Variants in TTN observed in about 807,000 individuals in gnomAD.
TTN encodes titin, also known as connectin.
In TTN, 1,525 loss-of-function variants were observed where a neutral mutation model predicts 3,223.0. The ratio of observed to expected loss-of-function variants is 0.47; its 90% CI spans 0.45 to 0.49. The LOEUF is 0.49. TTN is among the 20% of genes least tolerant of loss of function. The probability of loss-of-function intolerance (pLI) is 0.00; values close to 1 mark genes in which losing one functional copy is unlikely to be tolerated. For synonymous variants in TTN, 14,094 were observed against 15,161.0 expected, an observed-to-expected ratio of 0.93 and a Z score of 5.17; for missense variants, 40,786 against 43,424.0, an observed-to-expected ratio of 0.94 and a Z score of 5.40.
In TTN at chr2:178,531,334, G is replaced by A; in HGVS notation, c.105281C>T (p.Ser35094Phe). The change falls in exon 358 of 363, where the codon TCC becomes TTC. Residue 35094 changes from serine to phenylalanine, a missense_variant. By Grantham distance (155) the Ser-to-Phe change is radical. Coordinates refer to ENST00000589042, the MANE Select transcript of TTN (RefSeq NM_001267550.2). ...SQMTETRESL[S>F]SYEHSASAEM... ...TGCAGATGCAGAGTGTTCATATGAG[G>A]AGAGACTTTCCCTTGTCTCCGTCAT... The A allele has an allele frequency of 1.9e-6, 3 of 1,614,014 alleles. No individual in the cohort carries two copies. The South Asian group carries it at 3.3e-5, about 18-fold the overall frequency.
intron 106 of TTN, 145 bp downstream of exon 106, chr2:178,704,002 G>C: frequency 2.9e-6 from 3 of 1,052,590 alleles, no homozygotes; most frequent in Admixed American, 2.4e-5. Context: ...TGAACTTTGA[G>C]ATGAATACTA....
rs1213075962 is a variant in TTN at position 178,564,865 on chromosome 2, C to A, written c.81267G>T (p.Met27089Ile). 1 of 1,612,930 alleles carries A rather than the reference C, an allele frequency of 6.2e-7. No individual in the cohort carries two copies. Among genetic ancestry groups the A allele is most frequent in the East Asian group, 2.2e-5 (1 of 44,750 alleles). ...TCACTGGCTCATGCCATTGCACAAGCATCTGATCTTTTGAGATTGATGTCA... is the reference window on the plus strand; with the variant it reads ...TCACTGGCTCATGCCATTGCACAAGAATCTGATCTTTTGAGATTGATGTCA... ...PFVTSISKDQMLVQWHEPVND... is the reference protein window; with the variant it reads ...PFVTSISKDQILVQWHEPVND... Residue 27089 changes from methionine (M) to isoleucine (I), a missense_variant, in exon 326 of 363, where the codon ATG becomes ATT. Transcript: ENST00000589042.
chr2:178,550,967 C>T lies in TTN; in HGVS notation c.91564G>A (p.Val30522Ile), dbSNP rs780390663. The change falls in exon 336 of 363, where the codon GTT becomes ATT. Residue 30522 changes from valine to isoleucine, a missense_variant and splice_region_variant. Coordinates refer to ENST00000589042, the MANE Select transcript of TTN (RefSeq NM_001267550.2). ...TTGGAAATAAGTTGTAAATGCTTAC[C>T]ATTTTCATCTCTTGTCATAATAATG... ...SGIIMTRDEN[V>I]PPIVEFGPEY... is the part of the protein sequence containing the mutation. The T allele has an allele frequency of 2.5e-6, 4 of 1,611,672 alleles. No individual in the cohort carries two copies. Among genetic ancestry groups the T allele is most frequent in the East Asian group, 4.5e-5 (2 of 44,740 alleles).
chr2:178,730,851 T>G (rs1307723749), intron 60 of TTN, 59 bp from the exon 61 acceptor site: 5 of 1,134,772 alleles, frequency 4.4e-6, no homozygotes, highest in Admixed American at 3.9e-5. Flanking sequence ...TTTGTTTTTG[T>G]TTTTTTTTTT....
chr2:178,689,756 A>G, intron 122 of TTN, 57 bp downstream of exon 122: 1 of 1,531,562 alleles, frequency 6.5e-7, no homozygotes, highest in Non-Finnish European at 8.9e-7. Flanking sequence ...ATAATTAAAC[A>G]CAACATATTT....
Position 178,677,876 on chromosome 2 carries a change from G to T in TTN, c.34036C>A (p.Pro11346Thr), listed in dbSNP as rs2068462448. ...TCAAATAGAACTTCCTCTTCCTGAG[G>T]TAGAGCTACAGGAACTGGAACTGGT... Reference protein sequence around the residue: ...REPVPVPVALPQEEEVLFEEE... With the variant: ...REPVPVPVALTQEEEVLFEEE... The change falls in exon 146 of 363, where the codon CCT (proline) becomes ACT (threonine). Residue 11346 changes from proline to threonine, a missense_variant. Physicochemically the swap from Pro to Thr is conservative, Grantham distance 38 (BLOSUM62 -1). Transcript: ENST00000589042. 1.2e-6 allele frequency: 2 copies of T among 1,611,164 alleles called. No homozygotes were observed. Among genetic ancestry groups the T allele is most frequent in the Non-Finnish European group, 8.5e-7 (1 of 1,178,812 alleles).
chr2:178,599,314 C>T lies in TTN; in HGVS notation c.56479G>A (p.Ala18827Thr), dbSNP rs1280578786. Residue 18827 changes from alanine to threonine, a missense_variant, in exon 290 of 363, where the codon GCT becomes ACT. Ala to Thr is a moderately conservative substitution (Grantham distance 58). Coordinates refer to ENST00000589042, the MANE Select transcript of TTN (RefSeq NM_001267550.2). ...ITNYVIEKRE[A>T]NRKTWVHVSS... Reference sequence around the variant, plus strand: ...ACATGGACCCATGTCTTCCTGTTAGCTTCTCTTTTCTCAATTACATAGTTT... The same window carrying T: ...ACATGGACCCATGTCTTCCTGTTAGTTTCTCTTTTCTCAATTACATAGTTT... 2 of 1,610,002 alleles carry T rather than the reference C, an allele frequency of 1.2e-6. No individual in the cohort carries two copies. Among genetic ancestry groups the T allele is most frequent in the Non-Finnish European group, 8.5e-7 (1 of 1,178,376 alleles).
rs1361480669 is a variant in TTN, at chr2:178,533,411, G to A, written c.103204C>T (p.Pro34402Ser). ...PTLKWEKDGQ[P>S]LSLGPNIEII... The stretch of plus-strand genomic sequence containing the variant: ...TCAATGTTAGGCCCGAGGGACAGTG[G>A]CTGACCATCTTTCTCCCATTTTAAT... The change falls in exon 358 of 363, where the codon CCA becomes TCA. Residue 34402 changes from proline (P) to serine (S), a missense_variant. Transcript: ENST00000589042. 1 of 1,613,782 alleles carries A rather than the reference G, an allele frequency of 6.2e-7. No individual in the cohort carries two copies. The highest frequency in any genetic ancestry group is 1.1e-5 in the South Asian group (1 of 91,082).
In TTN at chr2:178,607,121, C is replaced by T. The variant is rs754240893; in HGVS notation, c.53481G>A (p.Leu17827=). The T allele has an allele frequency of 6.2e-6, 10 of 1,612,768 alleles. 1 individual carries two copies. The South Asian group carries it at 1.1e-4, about 18-fold the overall frequency. ...GGAACTTATATTCTTGTCCCTCAAG[C>T]AGACCTGTGATGTCACATTTAGATC... The part of the protein sequence containing the change: ...TERSKCDITG[L]LEGQEYKFRV... The change falls in exon 278 of 363, where the codon CTG becomes CTA. Residue 17827 remains leucine, a synonymous_variant. Transcript: ENST00000589042.
Position 178,533,167 on chromosome 2 carries a change from A to C in TTN, c.103448T>G (p.Met34483Arg). 6.2e-7 allele frequency: 1 copy of C among 1,613,964 alleles called. No homozygotes were observed. Reference sequence around the variant, plus strand: ...TTCAGTTCCAGAAAGAATTTCAGCCATTCTGAGGGTTTTGTCAATTTGTTT... The same window carrying C: ...TTCAGTTCCAGAAAGAATTTCAGCCCTTCTGAGGGTTTTGTCAATTTGTTT... ...VQKQIDKTLRMAEILSGTESV... is the reference protein window; with the variant it reads ...VQKQIDKTLRRAEILSGTESV... Residue 34483 changes from methionine to arginine, a missense_variant, in exon 358 of 363, where the codon ATG becomes AGG. Met to Arg is a moderately conservative substitution (Grantham distance 91, BLOSUM62 -1). Transcript: ENST00000589042.
Position 178,629,357 on chromosome 2 carries a change from C to G in TTN, c.44368G>C (p.Glu14790Gln), listed in dbSNP as rs762712953. The G allele has an allele frequency of 6.2e-7, 1 of 1,612,774 alleles. No individual in the cohort carries two copies. Among genetic ancestry groups the G allele is most frequent in the East Asian group, 2.2e-5 (1 of 44,630 alleles). ...AGATACCATTCCACTGGGATATCTT[C>G]GTAGGAGAGCTCGCAGTCGAAGGTG... ...TATFDCELSY[E>Q]DIPVEWYLKG... Residue 14790 changes from glutamate to glutamine, a missense_variant, in exon 240 of 363, where the codon GAA becomes CAA. Coordinates refer to ENST00000589042, the MANE Select transcript of TTN (RefSeq NM_001267550.2).
rs375844169 is a variant in TTN, at chr2:178,774,121, T to G, written c.7058-11A>C. Reference sequence around the variant, plus strand: ...TAGCAATGGGGCGGGCTGTGAAATATGGGGAGAAAAAGAATGTTATGATCA... The same window carrying G: ...TAGCAATGGGGCGGGCTGTGAAATAGGGGGAGAAAAAGAATGTTATGATCA... On this transcript the variant is annotated splice_polypyrimidine_tract_variant and intron_variant, in intron 30 of 362. Transcript: ENST00000589042. The G allele has an allele frequency of 1.9e-6, 3 of 1,614,080 alleles. No individual in the cohort carries two copies. Among genetic ancestry groups the G allele is most frequent in the Non-Finnish European group, 2.5e-6 (3 of 1,179,978 alleles).
In TTN at chr2:178,536,455, T is replaced by A. The variant is rs369597353; in HGVS notation, c.100292A>T (p.Lys33431Met). 1 of 1,607,620 alleles carries A rather than the reference T, an allele frequency of 6.2e-7. No individual in the cohort carries two copies. Among genetic ancestry groups the A allele is most frequent in the South Asian group, 1.1e-5 (1 of 90,234 alleles). The change falls in exon 357 of 363, where the codon AAG (lysine) becomes ATG (methionine). Residue 33431 changes from lysine to methionine, a missense_variant. Coordinates refer to ENST00000589042, the MANE Select transcript of TTN (RefSeq NM_001267550.2). ...GAKIRNYYLEKREKKQNKWIS... is the reference protein window; with the variant it reads ...GAKIRNYYLEMREKKQNKWIS... Reference sequence around the variant, plus strand: ...CCATTTATTCTGCTTCTTCTCACGCTTCTCAAGGTAGTAATTTCTAATCTT... The same window carrying A: ...CCATTTATTCTGCTTCTTCTCACGCATCTCAAGGTAGTAATTTCTAATCTT...
Position 178,571,328 on chromosome 2 carries a change from T to C in TTN, c.74804A>G (p.Asp24935Gly). 2.5e-6 allele frequency: 4 copies of C among 1,613,482 alleles called. No homozygotes were observed. Among genetic ancestry groups the C allele is most frequent in the Non-Finnish European group, 3.4e-6 (4 of 1,179,600 alleles). Residue 24935 changes from aspartate (D) to glycine (G), a missense_variant, in exon 326 of 363, where the codon GAT becomes GGT. By Grantham distance (94) the Asp-to-Gly change is moderately conservative. Transcript: ENST00000589042. Reference sequence around the variant, plus strand: ...ATAGCCAATGACTCTACTTCCTCCATCACTGATTGGCTCATTCCATTGTAC... The same window carrying C: ...ATAGCCAATGACTCTACTTCCTCCACCACTGATTGGCTCATTCCATTGTAC... ...MEVQWNEPISDGGSRVIGYHL... is the reference protein window; with the variant it reads ...MEVQWNEPISGGGSRVIGYHL...
chr2:178,750,510 C>G lies in TTN; in HGVS notation c.11311+2614G>C, dbSNP rs141289472. ...TGAGGATATCCTTGAAAATGACACACAAAATTACAACTGTCACCTTCATAA... is the reference window on the plus strand; with the variant it reads ...TGAGGATATCCTTGAAAATGACACAGAAAATTACAACTGTCACCTTCATAA... On this transcript the variant is annotated intron_variant, in intron 47 of 362. Transcript: ENST00000589042. 5.6e-5 allele frequency: 91 copies of G among 1,612,714 alleles called. No homozygotes were observed. The East Asian group carries it at 1.9e-3, about 34-fold the overall frequency.
In TTN at chr2:178,550,987, A is replaced by G. The variant is rs2154150025; in HGVS notation, c.91544T>C (p.Ile30515Thr). 1 of 1,613,108 alleles carries G rather than the reference A, an allele frequency of 6.2e-7. No homozygotes were observed. The highest frequency in any genetic ancestry group is 1.1e-5 in the South Asian group (1 of 91,038). The change falls in exon 336 of 363, where the codon ATT becomes ACT. Residue 30515 changes from isoleucine to threonine, a missense_variant. Ile to Thr is a moderately conservative substitution (Grantham distance 89). Transcript: ENST00000589042. ...CTTACCATTTTCATCTCTTGTCATA[A>G]TAATGCCAGAAGACTGTGAGGGCGG... is the stretch of plus-strand genomic sequence containing the variant. ...ISPPSQSSGI[I>T]MTRDENVPPI...
Position 178,544,295 on chromosome 2 carries a change from G to T in TTN, c.95934C>A (p.Gly31978=). The change falls in exon 345 of 363, where the codon GGC becomes GGA. Residue 31978 remains glycine (G), a synonymous_variant. Coordinates refer to ENST00000589042, the MANE Select transcript of TTN (RefSeq NM_001267550.2). ...CAGCAACTCTGAAGGAATATTTCTG[G>T]CCCATTTTAAGGTCTGGCACAGTGA... The part of the protein sequence containing the change: ...TEFTVPDLKM[G]QKYSFRVAAV... 1 of 1,613,708 alleles carries T rather than the reference G, an allele frequency of 6.2e-7. No individual in the cohort carries two copies. The highest frequency in any genetic ancestry group is 8.5e-7 in the Non-Finnish European group (1 of 1,179,724).
rs1327467989 is a variant in TTN, at chr2:178,601,316, T to C, written c.55681A>G (p.Ile18561Val). Residue 18561 changes from isoleucine (I) to valine (V), a missense_variant, in exon 287 of 363, where the codon ATT (isoleucine) becomes GTT (valine). Physicochemically the swap from Ile to Val is conservative, Grantham distance 29 (BLOSUM62 3). Transcript: ENST00000589042. ...TGAATGGTTTCCACAGGTGGGCCAA[T>C]ACCAAAACGGTTTTCTGCTCGCACA... ...FRVRAENRFG[I>V]GPPVETIQRT... is the part of the protein sequence containing the mutation. The C allele has an allele frequency of 6.2e-7, 1 of 1,606,322 alleles. No individual in the cohort carries two copies. Among genetic ancestry groups the C allele is most frequent in the African/African-American group, 1.3e-5 (1 of 74,754 alleles).
intron 218 of TTN, 46 bp downstream of exon 218, chr2:178,644,502 G>C: frequency 7.1e-7 from 1 of 1,415,960 alleles, no homozygotes; most frequent in Non-Finnish European, 9.5e-7. Context: ...AAGGAGTCAG[G>C]TAAAGGGGTA....
Sources: allele counts gnomAD v4.1 joint callset, GRCh38; gene constraint gnomAD v4.1.1; transcripts MANE v1.5; gene names NCBI Gene and HGNC (gene_info 2026-07-23, HGNC 2026-07-21).